Variants in VAMP5 observed in about 807,000 individuals in gnomAD.
VAMP5 encodes vesicle-associated membrane protein 5.
VAMP5 carries 10 observed loss-of-function variants against 8.1 expected under a neutral mutation model. That is an observed-to-expected ratio of 1.23 (90% CI 0.76 to 2.09). The LOEUF (loss-of-function observed/expected upper bound fraction) is 2.09, where lower values mean the gene tolerates loss of function less well. Among genes scored for constraint, VAMP5 ranks in the 30% most tolerant of loss-of-function variants. The pLI is 0.00. For synonymous variants in VAMP5, 62 were observed against 60.6 expected, an observed-to-expected ratio of 1.02 and a Z score of -0.11; for missense variants, 135 against 152.5, an observed-to-expected ratio of 0.89 and a Z score of 0.60.
At chr2:85,585,811 G>A (rs1207145400) in intron 1 of VAMP5, among the ~76,000 whole-genome samples, 1 of 152,102 alleles carries the variant, frequency 6.6e-6, no homozygotes, top group Admixed American at 6.6e-5. Flanking sequence ...CCCCTTTAGC[G>A]CTTTCCTTCC....
intron 1 of VAMP5, among the ~76,000 whole-genome samples, chr2:85,590,465 G>T (rs558456606): frequency 6.6e-6 from 1 of 152,324 alleles, no homozygotes; most frequent in South Asian, 2.1e-4. Flanking sequence ...GACTCATACA[G>T]TGGGAATTCT....
intron 1 of VAMP5, among the ~76,000 whole-genome samples, chr2:85,589,995 T>C (rs897897593): frequency 6.6e-6 from 1 of 152,046 alleles, no homozygotes; most frequent in African/African-American, 2.4e-5. Flanking sequence ...GTTCAAAGGA[T>C]TGAATGATGG....
chr2:85,591,862 G>A lies in VAMP5; in HGVS notation c.141G>A (p.Met47Ile), dbSNP rs758803529. The change falls in exon 2 of 3, where the codon ATG becomes ATA. Residue 47 changes from methionine to isoleucine, a missense_variant and splice_region_variant. Physicochemically the swap from Met to Ile is conservative, Grantham distance 10. Transcript: ENST00000306384. ...AGCGTTCAGACCAACTCCTGGATAT[G>A]GTGTGAGGCCTGGGGGAGCATGGAG... ...LQQRSDQLLD[M>I]SSTFNKTTQN... The A allele has an allele frequency of 6.2e-7, 1 of 1,614,156 alleles. No homozygotes were observed. The highest frequency in any genetic ancestry group is 1.3e-5 in the African/African-American group (1 of 75,030).
intron 1 of VAMP5, 105 bp downstream of exon 1, chr2:85,584,598 C>A: frequency 8.3e-7 from 1 of 1,207,588 alleles, no homozygotes; most frequent in African/African-American, 1.6e-5. Flanking sequence ...TCCCCTGGGG[C>A]CCACGAGGGC....
chr2:85,591,618 T>G, intron 1 of VAMP5, 107 bp from the exon 2 acceptor site: 1 of 1,531,288 alleles, frequency 6.5e-7, no homozygotes, highest in South Asian at 1.2e-5. Flanking sequence ...GCTGTTACTC[T>G]CATGCTGTAC....
Position 85,592,995 on chromosome 2 carries a change from C to T in VAMP5, c.189C>T (p.Cys63=). The T allele has an allele frequency of 1.9e-6, 3 of 1,614,122 alleles. No homozygotes were observed. The highest frequency in any genetic ancestry group is 2.5e-6 in the Non-Finnish European group (3 of 1,180,024). Residue 63 remains cysteine (C), a synonymous_variant, in exon 3 of 3, where the codon TGC becomes TGT. Coordinates refer to ENST00000306384, the MANE Select transcript of VAMP5 (RefSeq NM_006634.3). The part of the protein sequence containing the change: ...KTTQNLAQKK[C]WENIRYRICV... ...CACAGAACCTGGCCCAGAAGAAGTGCTGGGAGAACATCCGTTACCGGATCT... is the reference window on the plus strand; with the variant it reads ...CACAGAACCTGGCCCAGAAGAAGTGTTGGGAGAACATCCGTTACCGGATCT...
chr2:85,591,953 G>T (rs1339575398), intron 2 of VAMP5, 91 bp downstream of exon 2: 8 of 1,563,110 alleles, frequency 5.1e-6, no homozygotes, highest in Non-Finnish European at 6.1e-6. Flanking sequence ...CCTTGGTGGG[G>T]TTGAGGCCTT....
In VAMP5 at chr2:85,592,352, T is replaced by C. The variant is rs1672553113; in HGVS notation, c.141+490T>C. Among the ~76,000 whole-genome samples, 11 of 152,276 alleles carry C rather than the reference T, an allele frequency of 7.2e-5. No homozygotes were observed. The South Asian group carries it at 2.3e-3, about 32-fold the overall frequency. ...ATCCAAGAGATCCTCCCACCTTGGCTTTCCAATGTGCTGGGATTACAGGCA... is the reference window on the plus strand; with the variant it reads ...ATCCAAGAGATCCTCCCACCTTGGCCTTCCAATGTGCTGGGATTACAGGCA... On this transcript the variant is annotated intron_variant, in intron 2 of 2. Coordinates refer to ENST00000306384, the MANE Select transcript of VAMP5 (RefSeq NM_006634.3).
chr2:85,589,642 A>AT (rs1672511170), intron 1 of VAMP5, among the ~76,000 whole-genome samples: 2 of 152,116 alleles, frequency 1.3e-5, no homozygotes, highest in South Asian at 4.1e-4. Context: ...GCTTTGGACT[A>AT]TTTAATTTTG....
At chr2:85,584,600 C>T in intron 1 of VAMP5, 107 bp downstream of exon 1, 1 of 1,208,406 alleles carries the variant, frequency 8.3e-7, no homozygotes, top group Non-Finnish European at 1.0e-6. Context: ...CCCTGGGGCC[C>T]ACGAGGGCCA....
rs745878339 is a variant in VAMP5 at position 85,593,073 on chromosome 2, G to A, written c.267G>A (p.Leu89=). Residue 89 remains leucine (L), a synonymous_variant, in exon 3 of 3, where the codon CTG becomes CTA. Transcript: ENST00000306384. ...GVLLIILIVL[L]VVFLPQSSDS... ...TGCTCATCATCCTGATTGTGCTGCT[G>A]GTCGTCTTTCTCCCTCAGAGCAGTG... 3.7e-6 allele frequency: 6 copies of A among 1,614,078 alleles called. No homozygotes were observed. The Middle Eastern group carries it at 6.6e-4, about 177-fold the overall frequency.
chr2:85,588,016 G>T (rs1426051885), intron 1 of VAMP5, among the ~76,000 whole-genome samples: 1 of 152,006 alleles, frequency 6.6e-6, no homozygotes, highest in Non-Finnish European at 1.5e-5. Flanking sequence ...CTTGAGACAG[G>T]GTCTCACTCC....
intron 1 of VAMP5, among the ~76,000 whole-genome samples, chr2:85,587,954 A>G: frequency 6.6e-6 from 1 of 152,096 alleles, no homozygotes; most frequent in East Asian, 1.9e-4. Context: ...AGATGGGGAG[A>G]CAAGGAGAGT....
At chr2:85,587,623 T>C (rs1672484548) in intron 1 of VAMP5, among the ~76,000 whole-genome samples, 1 of 151,984 alleles carries the variant, frequency 6.6e-6, no homozygotes, top group Non-Finnish European at 1.5e-5. Flanking sequence ...GCCACATCAA[T>C]ATAATAGCTC....
intron 2 of VAMP5, among the ~76,000 whole-genome samples, chr2:85,592,482 A>AG (rs1215935181): frequency 2.6e-5 from 4 of 152,170 alleles, no homozygotes; most frequent in Admixed American, 6.5e-5. Flanking sequence ...TCAGGCTGGG[A>AG]GGGTTCCACG....
chr2:85,592,816 A>AAAAAAAAAAAAAAAT, intron 2 of VAMP5, 132 bp from the exon 3 acceptor site: 1 of 810,768 alleles, frequency 1.2e-6, no homozygotes. Context: ...AAAAAAAAAA[A>AAAAAAAAAAAAAAAT]GAAAGAAAGT....
chr2:85,590,028 GTAA>G (rs1246277230), intron 1 of VAMP5, among the ~76,000 whole-genome samples: 2 of 152,116 alleles, frequency 1.3e-5, no homozygotes, highest in Admixed American at 6.6e-5. Flanking sequence ...TGCTATAGTA[GTAA>G]TAATAGTGAT....
At chr2:85,591,140 A>G (rs1672532735) in intron 1 of VAMP5, among the ~76,000 whole-genome samples, 1 of 152,212 alleles carries the variant, frequency 6.6e-6, no homozygotes, top group South Asian at 2.1e-4. Flanking sequence ...TCAGGCCAGG[A>G]GGCAGAACTG....
At chr2:85,591,586 A>G (rs1211802592) in intron 1 of VAMP5, 139 bp from the exon 2 acceptor site, 2 of 1,331,716 alleles carry the variant, frequency 1.5e-6, no homozygotes, top group Non-Finnish European at 2.1e-6. Context: ...CTCCGCACAC[A>G]TCATACCCTT....
Sources: allele counts gnomAD v4.1 joint callset (sites outside exome capture counted in the v4.1 genomes callset), GRCh38; gene constraint gnomAD v4.1.1; transcripts MANE v1.5; gene names NCBI Gene and HGNC (gene_info 2026-07-23, HGNC 2026-07-21).